Variants in CSMD3 observed in about 807,000 individuals in gnomAD.
The protein encoded by CSMD3 is CUB and Sushi multiple domains 3.
A neutral mutation model predicts 435.2 loss-of-function variants in CSMD3; 177 were observed. That is an observed-to-expected ratio of 0.41 (90% CI 0.36 to 0.46). The LOEUF is 0.46. Ranked by LOEUF, CSMD3 falls within the 20% of genes least tolerant of loss-of-function variation. CSMD3 has a pLI of 0.34. For synonymous variants in CSMD3, 1,656 were observed against 1,520.5 expected, an observed-to-expected ratio of 1.09 and a Z score of -2.07; for missense variants, 4,265 against 4,504.6, an observed-to-expected ratio of 0.95 and a Z score of 1.52.
At chr8:112,882,150 G>GA (rs1397620582) in intron 10 of CSMD3, among the ~76,000 whole-genome samples, 1 of 151,852 alleles carries the variant, frequency 6.6e-6, no homozygotes, top group Admixed American at 6.6e-5. Context: ...GAAAGGACAA[G>GA]AAAATCTCAG....
At chr8:113,048,535 G>T (rs1278072986) in intron 5 of CSMD3, among the ~76,000 whole-genome samples, 1 of 152,066 alleles carries the variant, frequency 6.6e-6, no homozygotes, top group Non-Finnish European at 1.5e-5. Flanking sequence ...TTTATGACAT[G>T]AAGCAACATT....
rs73701351 is a variant in CSMD3, at chr8:113,267,756, T to C, written c.514+10836A>G. Among the ~76,000 whole-genome samples, 1,161 of 151,756 alleles carry C rather than the reference T, an allele frequency of 7.7e-3. 18 individuals are homozygous for C. Among genetic ancestry groups the C allele is most frequent in the African/African-American group, 0.027 (1,111 of 41,474 alleles). On this transcript the variant is annotated intron_variant, in intron 3 of 70. Coordinates refer to ENST00000297405, the MANE Select transcript of CSMD3 (RefSeq NM_198123.2). ...TGGCCACCCTAAATATCTGACTCAA[T>C]CACTACATATTTTATACAAGTTGCA...
intron 7 of CSMD3, among the ~76,000 whole-genome samples, chr8:112,973,258 G>A (rs1030484256): frequency 6.6e-6 from 1 of 151,910 alleles, no homozygotes; most frequent in Non-Finnish European, 1.5e-5. Context: ...TAATAGATCA[G>A]AGGAATAAGT....
intron 10 of CSMD3, among the ~76,000 whole-genome samples, chr8:112,877,240 C>T (rs1266223044): frequency 2.0e-5 from 3 of 150,948 alleles, no homozygotes; most frequent in Non-Finnish European, 4.4e-5. Context: ...ACTTTCTTCA[C>T]AGAATTAAAA....
intron 4 of CSMD3, among the ~76,000 whole-genome samples, chr8:113,163,756 C>A (rs1191961113): frequency 6.6e-6 from 1 of 152,010 alleles, no homozygotes; most frequent in Non-Finnish European, 1.5e-5. Flanking sequence ...ATACATCACT[C>A]ATACTTGACC....
intron 16 of CSMD3, among the ~76,000 whole-genome samples, chr8:112,676,807 T>G (rs1313583715): frequency 6.6e-6 from 1 of 152,136 alleles, no homozygotes; most frequent in East Asian, 1.9e-4. Context: ...TGCTTGACAC[T>G]TAGAAAGATA....
chr8:112,507,821 CCT>C, intron 28 of CSMD3, among the ~76,000 whole-genome samples: 1 of 152,046 alleles, frequency 6.6e-6, no homozygotes, highest in Admixed American at 6.6e-5. Context: ...GTACTGCCTT[CCT>C]CCATGCACCT....
chr8:112,465,380 C>A (rs897122299), intron 32 of CSMD3, among the ~76,000 whole-genome samples: 8 of 152,064 alleles, frequency 5.3e-5, no homozygotes, highest in Admixed American at 5.2e-4. Flanking sequence ...TCAGCCTTTG[C>A]CTTTTATGGG....
chr8:113,209,133 G>C (rs536510243), intron 3 of CSMD3, among the ~76,000 whole-genome samples: 1 of 152,156 alleles, frequency 6.6e-6, no homozygotes, highest in Non-Finnish European at 1.5e-5. Flanking sequence ...TATTTCAAAG[G>C]AACAAAGATA....
chr8:112,500,878 C>T (rs1002441769), intron 30 of CSMD3, among the ~76,000 whole-genome samples: 1 of 141,798 alleles, frequency 7.1e-6, no homozygotes. Context: ...CAATATAGCC[C>T]CTGCCAGGCA....
At chr8:112,865,035 G>C (rs2080937516) in intron 10 of CSMD3, among the ~76,000 whole-genome samples, 1 of 152,110 alleles carries the variant, frequency 6.6e-6, no homozygotes, top group African/African-American at 2.4e-5. Context: ...GCAAAATACT[G>C]CTAACATCGA....
chr8:113,061,868 A>G (rs917415902), intron 5 of CSMD3, among the ~76,000 whole-genome samples: 1 of 151,896 alleles, frequency 6.6e-6, no homozygotes, highest in Non-Finnish European at 1.5e-5. Context: ...TAATCTTATG[A>G]TATAGACTCA....
chr8:112,646,518 AT>A (rs554549443), intron 19 of CSMD3, among the ~76,000 whole-genome samples: 1 of 152,096 alleles, frequency 6.6e-6, no homozygotes, highest in African/African-American at 2.4e-5. Context: ...TTTCTTGGGA[AT>A]TTTTTTGTCT....
At chr8:112,454,121 C>A (rs776298041) in intron 32 of CSMD3, among the ~76,000 whole-genome samples, 1 of 152,116 alleles carries the variant, frequency 6.6e-6, no homozygotes, top group Non-Finnish European at 1.5e-5. Context: ...AAGATTTAAA[C>A]GTAAGACGTC....
chr8:112,310,778 A>G, intron 50 of CSMD3, 200 bp downstream of exon 50: 2 of 670,132 alleles, frequency 3.0e-6, no homozygotes, highest in Non-Finnish European at 5.4e-6. Flanking sequence ...GCATAACAAT[A>G]ATGAATAATT....
At chr8:112,535,466 G>T (rs1825979134) in intron 27 of CSMD3, among the ~76,000 whole-genome samples, 1 of 151,388 alleles carries the variant, frequency 6.6e-6, no homozygotes, top group African/African-American at 2.4e-5. Context: ...ACTTACAAGG[G>T]ATGTGAAGGA....
chr8:112,590,380 A>T (rs1224115101), intron 22 of CSMD3, among the ~76,000 whole-genome samples: 1 of 151,994 alleles, frequency 6.6e-6, no homozygotes, highest in Non-Finnish European at 1.5e-5. Context: ...GTGAAGGGAG[A>T]AGACAAGTGG....
intron 1 of CSMD3, among the ~76,000 whole-genome samples, chr8:113,400,365 C>T (rs147403926): frequency 2.0e-5 from 3 of 152,034 alleles, no homozygotes; most frequent in Non-Finnish European, 4.4e-5. Context: ...TCCCTCGTGG[C>T]TAATACTAGG....
At chr8:112,968,502 T>C (rs1313561535) in intron 7 of CSMD3, among the ~76,000 whole-genome samples, 1 of 151,652 alleles carries the variant, frequency 6.6e-6, no homozygotes, top group Non-Finnish European at 1.5e-5. Flanking sequence ...GTCTTCTTTA[T>C]AATAAACTGC....
Sources: gnomAD v4.1 joint callset for allele counts (sites outside exome capture counted in the v4.1 genomes callset) on GRCh38, gnomAD v4.1.1 for gene constraint, MANE v1.5 for transcripts, NCBI Gene and HGNC (gene_info 2026-07-23, HGNC 2026-07-21) for gene names.